The following WDR41 variants were observed in gnomAD, a reference collection of about 807,000 sequenced individuals.
The protein encoded by WDR41 is WD repeat-containing protein 41.
Under a neutral mutation model 69.3 loss-of-function variants are expected in WDR41, and 63 were observed. The observed-to-expected ratio is 0.91, with a 90% confidence interval of 0.74 to 1.12. The LOEUF (loss-of-function observed/expected upper bound fraction) is 1.12. WDR41 is among the 50% of genes most tolerant of loss of function. The pLI, the probability that WDR41 is intolerant of heterozygous loss-of-function variation, is 0.00. For missense variants in WDR41, 543 were observed against 534.5 expected, an observed-to-expected ratio of 1.02 and a Z score of -0.16; for synonymous variants, 185 against 192.1, an observed-to-expected ratio of 0.96 and a Z score of 0.31.
intron 6 of WDR41, chr5:77,452,167 AT>A (rs1323826521): frequency 6.6e-6 from 1 of 152,096 alleles, no homozygotes; most frequent in Non-Finnish European, 1.5e-5. Flanking sequence ...TCTGGCCAAG[AT>A]TTTTCTCCAC....
chr5:77,442,890 T>TC (rs1227952521), intron 8 of WDR41, among the ~76,000 whole-genome samples: 2 of 16,608 alleles, frequency 1.2e-4, no homozygotes, highest in Non-Finnish European at 1.6e-4. Context: ...AGACTCTGTC[T>TC]CCCCAAAAAA....
Position 77,459,117 on chromosome 5 carries a change from T to A in WDR41, c.356A>T (p.Asp119Val), listed in dbSNP as rs1799942688. 1 of 1,594,560 alleles carries A rather than the reference T, an allele frequency of 6.3e-7. No individual in the cohort carries two copies. The highest frequency in any genetic ancestry group is 1.3e-5 in the African/African-American group (1 of 74,582). ...CTGAACTTGTCTGGTAGTATCACCA[T>A]CCCACACCTAAATTTATGTTAAGAA... ...ASADRTVIVW[D>V]GDTTRQVQRI... The change falls in exon 5 of 13, where the codon GAT becomes GTT. Residue 119 changes from aspartate to valine, a missense_variant. Asp to Val is a radical substitution (Grantham distance 152). Coordinates refer to ENST00000296679, the MANE Select transcript of WDR41 (RefSeq NM_018268.4).
chr5:77,525,496 A>C (rs1370457655), intron 1 of WDR41, among the ~76,000 whole-genome samples: 1 of 152,216 alleles, frequency 6.6e-6, no homozygotes, highest in Non-Finnish European at 1.5e-5. Context: ...TAGTGGGCAC[A>C]GAGAGACCAA....
intron 5 of WDR41, among the ~76,000 whole-genome samples, chr5:77,456,704 T>C (rs1799848220): frequency 6.6e-6 from 1 of 151,940 alleles, no homozygotes; most frequent in Admixed American, 6.6e-5. Flanking sequence ...AAAATTTTTA[T>C]TTTATTATTT....
intron 1 of WDR41, among the ~76,000 whole-genome samples, chr5:77,512,351 A>AGAGAGAGAGAGAGAGAGAGTGT: frequency 8.3e-6 from 1 of 120,308 alleles, no homozygotes; most frequent in African/African-American, 3.2e-5. Flanking sequence ...AGAGAGAGAG[A>AGAGAGAGAGAGAGAGAGAGTGT]GTGAGTGTGT....
Position 77,433,233 on chromosome 5 carries a change from TGA to T in WDR41, c.1280_1281del (p.Leu427HisfsTer27). 1 of 1,613,976 alleles carries T rather than the reference TGA, an allele frequency of 6.2e-7. No individual in the cohort carries two copies. Among genetic ancestry groups the T allele is most frequent in the Non-Finnish European group, 8.5e-7 (1 of 1,179,904 alleles). The stretch of plus-strand genomic sequence containing the variant: ...CGCTCTCCATTTTTCCACAAAATAA[TGA>T]GATGATCAGCGGAGCACGTCACTAG... ...HGLVTCSADH[L>X]IILWKNGERE... is the part of the protein sequence containing the mutation. On this transcript the variant is annotated frameshift_variant, in exon 13 of 13. Coordinates refer to ENST00000296679, the MANE Select transcript of WDR41 (RefSeq NM_018268.4). LOFTEE classifies it high-confidence loss of function.
Position 77,492,293 on chromosome 5 carries a change from T to G in WDR41, c.-73A>C. On this transcript the variant is annotated 5_prime_UTR_variant, in exon 1 of 13. Coordinates refer to ENST00000296679, the MANE Select transcript of WDR41 (RefSeq NM_018268.4). Reference sequence around the variant, plus strand: ...CTCCGCCCCAGGCTCGGCCTCCTCCTTCCTCCCCGGCTGCAGCGCAACTGA... The same window carrying G: ...CTCCGCCCCAGGCTCGGCCTCCTCCGTCCTCCCCGGCTGCAGCGCAACTGA... The G allele has an allele frequency of 1.3e-6, 2 of 1,589,262 alleles. No individual in the cohort carries two copies. Among genetic ancestry groups the G allele is most frequent in the Non-Finnish European group, 1.7e-6 (2 of 1,166,638 alleles).
intron 1 of WDR41, among the ~76,000 whole-genome samples, chr5:77,527,121 G>T (rs1802460759): frequency 6.6e-6 from 1 of 151,908 alleles, no homozygotes; most frequent in Admixed American, 6.6e-5. Flanking sequence ...CAAATTCCAA[G>T]ACCTCCTAGC....
At chr5:77,436,752 T>C (rs1435591558) in intron 11 of WDR41, among the ~76,000 whole-genome samples, 1 of 152,150 alleles carries the variant, frequency 6.6e-6, no homozygotes, top group Non-Finnish European at 1.5e-5. Flanking sequence ...AAAAGCTGTA[T>C]ATGTATGTGC....
At chr5:77,463,311 T>TTAAGTACAACTACATTAAGTACAACA in intron 3 of WDR41, 85 bp from the exon 4 acceptor site, 1 of 1,290,126 alleles carries the variant, frequency 7.8e-7, no homozygotes, top group Admixed American at 2.5e-5. Context: ...AACTACCATA[T>TTAAGTACAACTACATTAAGTACAACA]AGAAGATACA....
chr5:77,464,695 T>C (rs1392269669), intron 3 of WDR41, 66 bp downstream of exon 3: 1 of 1,496,646 alleles, frequency 6.7e-7, no homozygotes, highest in Non-Finnish European at 9.3e-7. Flanking sequence ...ATAGTATTTA[T>C]ATGAATACAT....
At chr5:77,587,926 C>A (rs1036164132) in intron 1 of WDR41, among the ~76,000 whole-genome samples, 3 of 152,130 alleles carry the variant, frequency 2.0e-5, no homozygotes, top group African/African-American at 7.2e-5. Flanking sequence ...TCAGAGGAAA[C>A]CAGTTCTACC....
At chr5:77,565,492 T>C (rs897365831) in intron 1 of WDR41, among the ~76,000 whole-genome samples, 2 of 152,152 alleles carry the variant, frequency 1.3e-5, no homozygotes, top group African/African-American at 4.8e-5. Flanking sequence ...TCATTCCAAC[T>C]TGAGGTCATG....
At chr5:77,507,645 G>A (rs1234160046) in intron 1 of WDR41, among the ~76,000 whole-genome samples, 1 of 151,992 alleles carries the variant, frequency 6.6e-6, no homozygotes, top group East Asian at 1.9e-4. Context: ...GCAGTGTTAC[G>A]GCTGTAATAT....
intron 2 of WDR41, among the ~76,000 whole-genome samples, chr5:77,476,495 C>CA (rs1800939275): frequency 6.6e-6 from 1 of 152,098 alleles, no homozygotes; most frequent in South Asian, 2.1e-4. Flanking sequence ...CTCTACAAGC[C>CA]AGAAGACAGT....
chr5:77,458,809 A>G, intron 5 of WDR41: 2 of 301,454 alleles, frequency 6.6e-6, no homozygotes, highest in Non-Finnish European at 1.2e-5. Flanking sequence ...CCTACAAAAA[A>G]CATACCAGGT....
chr5:77,486,242 T>C (rs974590844), intron 2 of WDR41, among the ~76,000 whole-genome samples: 1 of 152,224 alleles, frequency 6.6e-6, no homozygotes, highest in East Asian at 1.9e-4. Flanking sequence ...CTGAAAGTTC[T>C]ACAGGTCAGC....
At chr5:77,436,685 G>A (rs1461050737) in intron 11 of WDR41, among the ~76,000 whole-genome samples, 1 of 152,128 alleles carries the variant, frequency 6.6e-6, no homozygotes, top group Non-Finnish European at 1.5e-5. Context: ...GAATGGCAGT[G>A]TCTAACTGTC....
chr5:77,451,253 C>A, intron 7 of WDR41, 38 bp downstream of exon 7: 1 of 1,595,250 alleles, frequency 6.3e-7, no homozygotes, highest in South Asian at 1.1e-5. Flanking sequence ...ATACAATTCT[C>A]GTTCAAAATA....
Sources: gnomAD v4.1 joint callset for allele counts (sites outside exome capture counted in the v4.1 genomes callset) on GRCh38, gnomAD v4.1.1 for gene constraint, MANE v1.5 for transcripts, NCBI Gene and HGNC (gene_info 2026-07-23, HGNC 2026-07-21) for gene names.